The following ESD variants were observed in gnomAD, a reference collection of about 807,000 sequenced individuals.
ESD encodes the protein S-formylglutathione hydrolase.
In ESD, 34 loss-of-function variants were observed where a neutral mutation model predicts 38.1. The observed-to-expected ratio is 0.89, with a 90% CI of 0.68 to 1.19. The LOEUF (loss-of-function observed/expected upper bound fraction) is 1.19. ESD is among the 50% of genes most tolerant of loss of function. The probability of loss-of-function intolerance (pLI) is 0.00; values close to 1 mark genes in which losing one functional copy is unlikely to be tolerated. For missense variants in ESD, 334 were observed against 327.2 expected (o/e 1.02, Z -0.16); for synonymous variants, 97 against 107.0 (o/e 0.91, Z 0.58).
intron 3 of ESD, among the ~76,000 whole-genome samples, chr13:46,790,440 C>A (rs770397844): frequency 1.3e-5 from 2 of 152,132 alleles, no homozygotes; most frequent in African/African-American, 4.8e-5. Flanking sequence ...CAAAGAAATT[C>A]TTCTAAAGGA....
chr13:46,771,748 T>C (rs1408078460), intron 9 of ESD, among the ~76,000 whole-genome samples: 1 of 152,094 alleles, frequency 6.6e-6, no homozygotes, highest in African/African-American at 2.4e-5. Flanking sequence ...TAGCCTAACT[T>C]CTAAATGCTG....
At chr13:46,771,689 G>A (rs1182754843) in intron 9 of ESD, among the ~76,000 whole-genome samples, 193 bp from the exon 10 acceptor site, 3 of 152,086 alleles carry the variant, frequency 2.0e-5, no homozygotes, top group Non-Finnish European at 4.4e-5. Context: ...CATTAAAAGA[G>A]CAGCAAAAAT....
intron 9 of ESD, among the ~76,000 whole-genome samples, chr13:46,773,274 G>T (rs1164839969): frequency 1.3e-5 from 2 of 152,174 alleles, no homozygotes; most frequent in Admixed American, 1.3e-4. Context: ...TAATAGGATT[G>T]CTGGGTCAAA....
chr13:46,772,378 AAT>A lies in ESD; in HGVS notation c.769-884_769-883del, dbSNP rs1874636619. 6.6e-5 allele frequency among the ~76,000 whole-genome samples: 10 copies of A among 152,298 alleles called. 1 individual carries two copies. The South Asian group carries it at 2.1e-3, about 32-fold the overall frequency. ...TCTGACACTTCTTCTGAATATAAAA[AAT>A]AGTCTTCCAAAAAAAAAATAATTAC... is the stretch of plus-strand genomic sequence containing the variant. On this transcript the variant is annotated intron_variant, in intron 9 of 9. Transcript: ENST00000378720.
At chr13:46,777,648 A>G in intron 8 of ESD, 25 bp from the exon 9 acceptor site, 1 of 1,561,850 alleles carries the variant, frequency 6.4e-7, no homozygotes, top group East Asian at 2.2e-5. Flanking sequence ...GTAACATTGA[A>G]AAATAAATTC....
chr13:46,791,881 C>T (rs930997616), intron 2 of ESD, among the ~76,000 whole-genome samples: 1 of 151,922 alleles, frequency 6.6e-6, no homozygotes, highest in African/African-American at 2.4e-5. Flanking sequence ...TAATATGTAA[C>T]ATTACTGAAC....
intron 4 of ESD, chr13:46,785,562 C>T (rs1468224510): frequency 2.0e-5 from 3 of 151,976 alleles, no homozygotes; most frequent in Non-Finnish European, 4.4e-5. Flanking sequence ...ATCTTTCTGT[C>T]ATTGTTTTCC....
intron 4 of ESD, among the ~76,000 whole-genome samples, chr13:46,784,589 A>G (rs1318364857): frequency 6.6e-6 from 1 of 152,010 alleles, no homozygotes; most frequent in Non-Finnish European, 1.5e-5. Flanking sequence ...AAAAGTTGAA[A>G]TTATTAAAAA....
intron 9 of ESD, among the ~76,000 whole-genome samples, chr13:46,771,981 C>T (rs779090586): frequency 6.6e-6 from 1 of 152,096 alleles, no homozygotes; most frequent in African/African-American, 2.4e-5. Flanking sequence ...TTTCAATTCA[C>T]AAATGCAGCA....
At chr13:46,773,440 A>G (rs1874682597) in intron 9 of ESD, among the ~76,000 whole-genome samples, 1 of 152,232 alleles carries the variant, frequency 6.6e-6, no homozygotes, top group South Asian at 2.1e-4. Context: ...ATAAACCGAA[A>G]GAAATGAAAG....
At chr13:46,785,687 T>C (rs1025597189) in intron 4 of ESD, 1 of 152,012 alleles carries the variant, frequency 6.6e-6, no homozygotes, top group Non-Finnish European at 1.5e-5. Context: ...CCAAGGTCTA[T>C]CTGTTCTTCA....
At chr13:46,773,139 C>T (rs768772468) in intron 9 of ESD, among the ~76,000 whole-genome samples, 3 of 152,080 alleles carry the variant, frequency 2.0e-5, no homozygotes, top group Non-Finnish European at 4.4e-5. Flanking sequence ...AGTCTATCAC[C>T]GATGGGTACT....
chr13:46,790,733 G>A (rs893090863), intron 3 of ESD: 2 of 152,028 alleles, frequency 1.3e-5, no homozygotes, highest in African/African-American at 2.4e-5. Context: ...GGGGTCCCTG[G>A]TGCCTCCAAT....
Position 46,781,526 on chromosome 13 carries a change from G to A in ESD, c.471C>T (p.Ile157=), listed in dbSNP as rs149076733. The A allele has an allele frequency of 2.0e-4, 316 of 1,607,594 alleles. No homozygotes were observed. Among genetic ancestry groups the A allele is most frequent in the Non-Finnish European group, 2.4e-4 (285 of 1,175,828 alleles). The change falls in exon 7 of 10, where the codon ATC becomes ATT. Residue 157 remains isoleucine, a synonymous_variant. Coordinates refer to ENST00000378720, the MANE Select transcript of ESD (RefSeq NM_001984.2). ...GHSMGGHGAL[I]CALKNPGKYK... ...ATTTTCCAGGATTTTTCAAAGCACAGATCAGAGCTCCATGACCTCCCATGG... is the reference window on the plus strand; with the variant it reads ...ATTTTCCAGGATTTTTCAAAGCACAAATCAGAGCTCCATGACCTCCCATGG...
chr13:46,774,475 TATG>T (rs1015856629), intron 9 of ESD, among the ~76,000 whole-genome samples: 2 of 152,308 alleles, frequency 1.3e-5, no homozygotes, highest in African/African-American at 4.8e-5. Context: ...AATGAGTTGG[TATG>T]ATATGTTAAG....
At chr13:46,777,892 T>C (rs1013473148) in intron 8 of ESD, among the ~76,000 whole-genome samples, 2 of 151,764 alleles carry the variant, frequency 1.3e-5, no homozygotes, top group Admixed American at 1.3e-4. Context: ...CTTAAGAAAA[T>C]GGCCTTTTTC....
intron 1 of ESD, among the ~76,000 whole-genome samples, chr13:46,795,095 CT>C (rs559234826): frequency 8.2e-4 from 125 of 152,300 alleles, no homozygotes; most frequent in African/African-American, 2.7e-3. Context: ...CATTGCCTCT[CT>C]TTTTCAGACT....
At position 46,779,988 on chromosome 13, in the gene ESD, AG is replaced by A; in HGVS notation, c.546del (p.Trp183GlyfsTer26). 2 of 1,605,166 alleles carry A rather than the reference AG, an allele frequency of 1.2e-6. No individual in the cohort carries two copies. Among genetic ancestry groups the A allele is most frequent in the South Asian group, 1.1e-5 (1 of 90,658 alleles). On this transcript the variant is annotated frameshift_variant, in exon 8 of 10. Coordinates refer to ENST00000378720, the MANE Select transcript of ESD (RefSeq NM_001984.2). LOFTEE classifies it high-confidence loss of function. ...FAPICNPVLC[P>X]WGKKAFSGYL... ...TATCCACTAAAGGCTTTTTTGCCCC[AG>A]GGACAGAGTACAGGGTTGCAAATTG...
intron 8 of ESD, among the ~76,000 whole-genome samples, chr13:46,779,722 T>A (rs547411667): frequency 2.4e-4 from 35 of 145,566 alleles, no homozygotes; most frequent in East Asian, 7.9e-4. Context: ...TATATATATA[T>A]AAAATAATAT....
Sources: gnomAD v4.1 joint callset for allele counts (sites outside exome capture counted in the v4.1 genomes callset) on GRCh38, gnomAD v4.1.1 for gene constraint, MANE v1.5 for transcripts, NCBI Gene and HGNC (gene_info 2026-07-23, HGNC 2026-07-21) for gene names.